Variants in UNC13C observed in about 807,000 individuals in gnomAD.
UNC13C encodes protein unc-13 homolog C.
In UNC13C, 174 loss-of-function variants were observed where a neutral mutation model predicts 245.4. The ratio of observed to expected loss-of-function variants is 0.71; its 90% CI spans 0.63 to 0.80. The LOEUF (loss-of-function observed/expected upper bound fraction) is 0.80, where lower values mean the gene tolerates loss of function less well. Among genes scored for constraint, UNC13C ranks in the 30% least tolerant of loss-of-function variants. The pLI is 0.00. For synonymous variants in UNC13C, 992 were observed against 895.1 expected (o/e 1.11, Z -1.93); for missense variants, 2,829 against 2,602.9 (o/e 1.09, Z -1.89).
At chr15:54,345,072 C>T (rs1024294297) in intron 17 of UNC13C, among the ~76,000 whole-genome samples, 13 of 152,176 alleles carry the variant, frequency 8.5e-5, no homozygotes, top group African/African-American at 2.7e-4. Flanking sequence ...CTATGTTACG[C>T]TTCTCACCCC....
chr15:54,258,407 AGGTT>A (rs904159229), intron 8 of UNC13C, among the ~76,000 whole-genome samples: 1 of 152,296 alleles, frequency 6.6e-6, no homozygotes, highest in African/African-American at 2.4e-5. Flanking sequence ...TCTGTCTCCC[AGGTT>A]GGAGTACAGT....
intron 1 of UNC13C, among the ~76,000 whole-genome samples, chr15:54,004,027 A>AAAAC (rs540622110): frequency 5.9e-5 from 9 of 152,212 alleles, no homozygotes; most frequent in South Asian, 4.1e-4. Flanking sequence ...ACAAACAAAC[A>AAAAC]AAACAAACAA....
chr15:54,419,860 C>A (rs913871978), intron 19 of UNC13C, among the ~76,000 whole-genome samples: 3 of 152,114 alleles, frequency 2.0e-5, no homozygotes, highest in Non-Finnish European at 4.4e-5. Flanking sequence ...GTGAATACAG[C>A]TGGTCTCTCA....
At chr15:54,185,605 G>A (rs985876607) in intron 4 of UNC13C, among the ~76,000 whole-genome samples, 6 of 148,054 alleles carry the variant, frequency 4.1e-5, no homozygotes, top group Non-Finnish European at 8.9e-5. Flanking sequence ...ATTTCTGAGG[G>A]CTCTGTTCTG....
intron 2 of UNC13C, among the ~76,000 whole-genome samples, chr15:54,055,651 T>A (rs1392144524): frequency 2.6e-5 from 4 of 152,204 alleles, no homozygotes; most frequent in African/African-American, 9.6e-5. Flanking sequence ...GGTTGTTTCA[T>A]AGAACTAATT....
rs553185948 is a variant in UNC13C at position 54,156,848 on chromosome 15, G to T, written c.3071+13164G>T. 4.0e-5 allele frequency among the ~76,000 whole-genome samples: 6 copies of T among 151,462 alleles called. No homozygotes were observed. The South Asian group carries it at 1.3e-3, about 32-fold the overall frequency. ...TTGATGGGCAACATAATTTTTGAAA[G>T]GCACCTAGGTTTCCTGTGAGAAGTC... On this transcript the variant is annotated intron_variant, in intron 4 of 32. Transcript: ENST00000260323.
chr15:54,076,832 A>G (rs1898654419), intron 2 of UNC13C, among the ~76,000 whole-genome samples: 1 of 152,230 alleles, frequency 6.6e-6, no homozygotes, highest in Non-Finnish European at 1.5e-5. Context: ...GACATAGCTG[A>G]ACAAATATTT....
intron 19 of UNC13C, among the ~76,000 whole-genome samples, chr15:54,431,473 G>A (rs182144026): frequency 1.5e-4 from 23 of 151,708 alleles, no homozygotes; most frequent in South Asian, 6.2e-4. Context: ...TAGTATATTA[G>A]AGTGTACAAC....
At chr15:53,843,329 C>T in the UNC13C span, among the ~76,000 whole-genome samples, 1 of 152,004 alleles carries the variant, frequency 6.6e-6, no homozygotes, top group Admixed American at 6.6e-5. Context: ...TGCTTGTAGT[C>T]CTAGTGACTC....
intron 26 of UNC13C, among the ~76,000 whole-genome samples, chr15:54,546,465 TA>T: frequency 6.6e-6 from 1 of 152,230 alleles, no homozygotes; most frequent in Non-Finnish European, 1.5e-5. Context: ...ACTTAAAGTA[TA>T]ATGGGAAAAA....
intron 19 of UNC13C, among the ~76,000 whole-genome samples, chr15:54,437,912 C>T (rs759243084): frequency 7.2e-5 from 11 of 151,862 alleles, no homozygotes; most frequent in Admixed American, 2.6e-4. Flanking sequence ...TTTAGGTATA[C>T]GATAAAAGCC....
intron 4 of UNC13C, among the ~76,000 whole-genome samples, chr15:54,188,491 A>G (rs2034071609): frequency 6.6e-6 from 1 of 152,170 alleles, no homozygotes; most frequent in Non-Finnish European, 1.5e-5. Context: ...AACAAACTAC[A>G]TTTATTTTAA....
At chr15:53,839,033 T>C in the UNC13C span, among the ~76,000 whole-genome samples, 1 of 152,150 alleles carries the variant, frequency 6.6e-6, no homozygotes, top group South Asian at 2.1e-4. Context: ...TGTTACTTTA[T>C]CTTTAGCTAT....
chr15:54,457,703 G>T (rs1393106270), intron 19 of UNC13C, among the ~76,000 whole-genome samples: 3 of 151,890 alleles, frequency 2.0e-5, no homozygotes, highest in African/African-American at 7.3e-5. Flanking sequence ...TTGTATTTCT[G>T]TGGTATCAGT....
At chr15:54,091,546 T>A (rs1232916848) in intron 2 of UNC13C, among the ~76,000 whole-genome samples, 1 of 152,172 alleles carries the variant, frequency 6.6e-6, no homozygotes, top group Non-Finnish European at 1.5e-5. Flanking sequence ...TTTCCATCTT[T>A]GTAAATTTTT....
At chr15:54,085,239 A>G (rs952037342) in intron 2 of UNC13C, among the ~76,000 whole-genome samples, 7 of 152,172 alleles carry the variant, frequency 4.6e-5, no homozygotes, top group African/African-American at 1.7e-4. Flanking sequence ...ATACAAAGAT[A>G]TGCTCAAAAT....
the UNC13C span, among the ~76,000 whole-genome samples, chr15:53,965,636 T>G: frequency 2.6e-5 from 4 of 151,784 alleles, no homozygotes; most frequent in African/African-American, 9.7e-5. Flanking sequence ...TACATATGTA[T>G]ACATGTGCCA....
intron 29 of UNC13C, among the ~76,000 whole-genome samples, chr15:54,563,731 T>C: frequency 6.6e-6 from 1 of 152,028 alleles, no homozygotes; most frequent in Non-Finnish European, 1.5e-5. Flanking sequence ...GAGCTATGGA[T>C]AGTGGGTTTT....
At chr15:54,268,214 G>A (rs2036597048) in intron 10 of UNC13C, among the ~76,000 whole-genome samples, 1 of 150,824 alleles carries the variant, frequency 6.6e-6, no homozygotes, top group African/African-American at 2.4e-5. Context: ...AATTCACTAA[G>A]CTTTGCTTCT....
Sources: allele counts gnomAD v4.1 joint callset (sites outside exome capture counted in the v4.1 genomes callset), GRCh38; gene constraint gnomAD v4.1.1; transcripts MANE v1.5; gene names NCBI Gene and HGNC (gene_info 2026-07-23, HGNC 2026-07-21).